The following CFAP299 variants were observed in gnomAD, a reference collection of about 807,000 sequenced individuals.
CFAP299 encodes cilia and flagella associated protein 299, also known as cilia- and flagella-associated protein 299.
A neutral mutation model predicts 27.0 loss-of-function variants in CFAP299; 21 were observed. The ratio of observed to expected loss-of-function variants is 0.78; its 90% CI spans 0.55 to 1.12. The LOEUF is 1.12. CFAP299 is among the 50% of genes most tolerant of loss of function. CFAP299 has a pLI of 0.00. For synonymous variants in CFAP299, 104 were observed against 98.1 expected, an observed-to-expected ratio of 1.06 and a Z score of -0.36; for missense variants, 310 against 276.6, an observed-to-expected ratio of 1.12 and a Z score of -0.86.
intron 2 of CFAP299, among the ~76,000 whole-genome samples, chr4:80,433,415 A>G (rs2110080330): frequency 6.6e-6 from 1 of 152,304 alleles, no homozygotes; most frequent in South Asian, 2.1e-4. Flanking sequence ...AAAGAGAAAC[A>G]TTTGTGGGAA....
At chr4:80,560,287 C>A (rs1015609887) in intron 2 of CFAP299, among the ~76,000 whole-genome samples, 2 of 151,922 alleles carry the variant, frequency 1.3e-5, no homozygotes, top group African/African-American at 4.8e-5. Flanking sequence ...TGAAGAGCCC[C>A]TGGGCTCTGA....
At chr4:80,486,592 A>G (rs1730830540) in intron 2 of CFAP299, among the ~76,000 whole-genome samples, 1 of 152,240 alleles carries the variant, frequency 6.6e-6, no homozygotes, top group African/African-American at 2.4e-5. Context: ...GCAATAAGAA[A>G]ACAAAATGTG....
intron 2 of CFAP299, among the ~76,000 whole-genome samples, chr4:80,581,495 G>A (rs1412311396): frequency 1.2e-5 from 1 of 86,492 alleles, no homozygotes; most frequent in Non-Finnish European, 2.0e-5. Flanking sequence ...TATATGACAA[G>A]CTGAGGAAGA....
At chr4:80,674,634 T>A (rs1342274338) in intron 3 of CFAP299, among the ~76,000 whole-genome samples, 1 of 152,232 alleles carries the variant, frequency 6.6e-6, no homozygotes, top group Non-Finnish European at 1.5e-5. Context: ...ATTGGTTCCA[T>A]TCTCCCCGTC....
chr4:80,506,358 G>A (rs1005124397), intron 2 of CFAP299, among the ~76,000 whole-genome samples: 12 of 152,090 alleles, frequency 7.9e-5, no homozygotes, highest in African/African-American at 2.7e-4. Flanking sequence ...GGAAGCAGTA[G>A]GAGTTGCGTG....
chr4:80,813,635 G>A (rs1413326473), intron 3 of CFAP299, among the ~76,000 whole-genome samples: 1 of 151,918 alleles, frequency 6.6e-6, no homozygotes, highest in Non-Finnish European at 1.5e-5. Context: ...CATGAAGACT[G>A]ATTCAATTCA....
intron 3 of CFAP299, among the ~76,000 whole-genome samples, chr4:80,625,237 G>A (rs1738822375): frequency 1.3e-5 from 2 of 152,006 alleles, no homozygotes; most frequent in Admixed American, 1.3e-4. Flanking sequence ...AATTCAAAAT[G>A]TGGTTTGGGG....
chr4:80,551,456 A>G (rs180857696), intron 2 of CFAP299, among the ~76,000 whole-genome samples: 6 of 152,304 alleles, frequency 3.9e-5, no homozygotes, highest in East Asian at 1.9e-4. Flanking sequence ...GTAAAAATGC[A>G]TGAGAGAAAG....
intron 4 of CFAP299, among the ~76,000 whole-genome samples, chr4:80,887,553 C>T (rs928768602): frequency 2.0e-5 from 3 of 152,112 alleles, no homozygotes; most frequent in South Asian, 2.1e-4. Context: ...TACATCAACA[C>T]AAGACCTGTC....
intron 4 of CFAP299, chr4:80,872,529 A>G (rs1733153636): frequency 1.3e-5 from 2 of 152,134 alleles, no homozygotes; most frequent in Admixed American, 1.3e-4. Context: ...GAAACACAAA[A>G]GAGTGTAGAG....
intron 3 of CFAP299, among the ~76,000 whole-genome samples, chr4:80,640,495 TA>T (rs1473938184): frequency 6.6e-6 from 1 of 152,122 alleles, no homozygotes; most frequent in African/African-American, 2.4e-5. Context: ...CCTATGAAAA[TA>T]GTGCCATGCC....
At chr4:80,842,904 A>G (rs918710477) in intron 3 of CFAP299, among the ~76,000 whole-genome samples, 8 of 152,114 alleles carry the variant, frequency 5.3e-5, no homozygotes, top group African/African-American at 1.2e-4. Context: ...TCCTTTAACC[A>G]TAAAATACAT....
At chr4:80,814,117 A>T (rs970791276) in intron 3 of CFAP299, among the ~76,000 whole-genome samples, 1 of 149,654 alleles carries the variant, frequency 6.7e-6, no homozygotes, top group Non-Finnish European at 1.5e-5. Flanking sequence ...TATGTCCTCC[A>T]TCATTACTCT....
At chr4:80,831,472 G>A (rs1422232545) in intron 3 of CFAP299, among the ~76,000 whole-genome samples, 2 of 152,032 alleles carry the variant, frequency 1.3e-5, no homozygotes, top group Non-Finnish European at 2.9e-5. Flanking sequence ...CCAATCCTAT[G>A]AGCAACCATT....
chr4:80,819,353 G>C (rs577946125), intron 3 of CFAP299, among the ~76,000 whole-genome samples: 1 of 152,226 alleles, frequency 6.6e-6, no homozygotes, highest in Admixed American at 6.5e-5. Context: ...AGGGCTTCTG[G>C]TTAGGAGTCT....
chr4:80,545,280 A>G (rs1734171370), intron 2 of CFAP299, among the ~76,000 whole-genome samples: 1 of 152,192 alleles, frequency 6.6e-6, no homozygotes, highest in South Asian at 2.1e-4. Context: ...CTAAAGTTGC[A>G]CAGAGAGGAA....
At chr4:80,597,531 C>T (rs199883229) in intron 3 of CFAP299, among the ~76,000 whole-genome samples, 1 of 152,110 alleles carries the variant, frequency 6.6e-6, no homozygotes, top group South Asian at 2.1e-4. Flanking sequence ...CAAATTTTAA[C>T]GTGGTCCAAT....
intron 2 of CFAP299, among the ~76,000 whole-genome samples, chr4:80,459,464 T>G (rs1191631878): frequency 6.6e-6 from 1 of 152,200 alleles, no homozygotes; most frequent in Non-Finnish European, 1.5e-5. Flanking sequence ...GTCACCCACT[T>G]GTTCTCTTCC....
chr4:80,833,655 G>C (rs997504173), intron 3 of CFAP299, among the ~76,000 whole-genome samples: 1 of 152,134 alleles, frequency 6.6e-6, no homozygotes, highest in Non-Finnish European at 1.5e-5. Context: ...TTCTACCCAC[G>C]ATAGGTGTGC....
Sources: gnomAD v4.1 joint callset for allele counts (sites outside exome capture counted in the v4.1 genomes callset) on GRCh38, gnomAD v4.1.1 for gene constraint, MANE v1.5 for transcripts, NCBI Gene and HGNC (gene_info 2026-07-23, HGNC 2026-07-21) for gene names.